The following SORCS2 variants were observed in gnomAD, a reference collection of about 807,000 sequenced individuals.
The protein encoded by SORCS2 is sortilin related VPS10 domain containing receptor 2.
A neutral mutation model predicts 141.6 loss-of-function variants in SORCS2; 100 were observed. The observed-to-expected ratio is 0.71, with a 90% confidence interval of 0.60 to 0.83. The LOEUF (loss-of-function observed/expected upper bound fraction) is 0.83. Among genes scored for constraint, SORCS2 ranks in the 40% least tolerant of loss-of-function variants. The pLI, the probability that SORCS2 is intolerant of heterozygous loss-of-function variation, is 0.00. For missense variants in SORCS2, 1,646 were observed against 1,560.2 expected (o/e 1.05, Z -0.93); for synonymous variants, 789 against 676.9 (o/e 1.17, Z -2.57).
In SORCS2 at chr4:7,384,929, T is replaced by C. The variant is rs542277059; in HGVS notation, c.481-11359T>C. ...CAGGTGGAGGTCCAGGCTCGCCGGC[T>C]CAGCTTCAGCAGAAGATTCTTAGAG... On this transcript the variant is annotated intron_variant, in intron 1 of 26. Coordinates refer to ENST00000507866, the MANE Select transcript of SORCS2 (RefSeq NM_020777.3). Among the ~76,000 whole-genome samples the C allele has an allele frequency of 9.2e-5, 14 of 152,334 alleles. No individual in the cohort carries two copies. The East Asian group carries it at 2.7e-3, about 29-fold the overall frequency.
At chr4:7,568,086 C>T (rs978288780) in intron 3 of SORCS2, among the ~76,000 whole-genome samples, 8 of 152,216 alleles carry the variant, frequency 5.3e-5, no homozygotes, top group African/African-American at 1.9e-4. Flanking sequence ...CTCCAAGGAG[C>T]TCTGACTGCT....
intron 2 of SORCS2, among the ~76,000 whole-genome samples, chr4:7,401,500 T>C (rs796815986): frequency 4.6e-5 from 7 of 152,290 alleles, no homozygotes; most frequent in African/African-American, 1.7e-4. Context: ...TTGGCTCTGA[T>C]TCTGTCAGGA....
intron 3 of SORCS2, among the ~76,000 whole-genome samples, chr4:7,544,018 A>T (rs868570431): frequency 7.1e-6 from 1 of 141,742 alleles, no homozygotes; most frequent in African/African-American, 2.7e-5. Flanking sequence ...CCATCCACCC[A>T]TCCATCCATC....
chr4:7,652,002 C>T (rs73794357), intron 4 of SORCS2, among the ~76,000 whole-genome samples: 5,090 of 152,296 alleles, frequency 0.033, 272 homozygotes, highest in African/African-American at 0.11. Context: ...GCTGTTTTCT[C>T]GGTTTCCAAG....
At position 7,514,932 on chromosome 4, in the gene SORCS2, A is replaced by G. The variant is rs544751703; in HGVS notation, c.549-16598A>G. On this transcript the variant is annotated intron_variant, in intron 2 of 26. Transcript: ENST00000507866. ...AGCAAAGCTACTCTTAACTGGCAGG[A>G]TGTGTCCAAGGGCTCAGAGGTCACC... Among the ~76,000 whole-genome samples, 4 of 152,130 alleles carry G rather than the reference A, an allele frequency of 2.6e-5. No individual in the cohort carries two copies. The East Asian group carries it at 7.7e-4, about 29-fold the overall frequency.
chr4:7,486,207 C>T (rs893587192), intron 2 of SORCS2, among the ~76,000 whole-genome samples: 6 of 47,332 alleles, frequency 1.3e-4, no homozygotes, highest in East Asian at 3.5e-4. Flanking sequence ...GAACAAGCCC[C>T]GTCCAGTGGA....
intron 1 of SORCS2, among the ~76,000 whole-genome samples, chr4:7,252,001 C>T (rs1284200550): frequency 6.6e-6 from 1 of 152,178 alleles, no homozygotes; most frequent in East Asian, 1.9e-4. Flanking sequence ...CTGGCTGAGC[C>T]TCCTCTAAAC....
At chr4:7,290,132 G>C (rs1355370313) in intron 1 of SORCS2, among the ~76,000 whole-genome samples, 3 of 152,218 alleles carry the variant, frequency 2.0e-5, no homozygotes, top group African/African-American at 7.2e-5. Flanking sequence ...GCAGGAAGCT[G>C]ATGGCTGGCC....
At chr4:7,693,071 G>A (rs1217290303) in intron 11 of SORCS2, among the ~76,000 whole-genome samples, 1 of 152,198 alleles carries the variant, frequency 6.6e-6, no homozygotes, top group Non-Finnish European at 1.5e-5. Context: ...CGAGGGTGCC[G>A]GTGGCGGGTT....
intron 22 of SORCS2, among the ~76,000 whole-genome samples, chr4:7,728,721 A>G (rs1727396832): frequency 1.3e-5 from 2 of 152,244 alleles, no homozygotes; most frequent in African/African-American, 4.8e-5. Flanking sequence ...CACACAGTCC[A>G]GGGACCACCT....
intron 1 of SORCS2, among the ~76,000 whole-genome samples, chr4:7,367,064 T>C (rs1408995282): frequency 6.6e-6 from 1 of 152,190 alleles, no homozygotes; most frequent in Non-Finnish European, 1.5e-5. Context: ...GATGTTAAAA[T>C]AGCCTCTGGG....
intron 1 of SORCS2, among the ~76,000 whole-genome samples, chr4:7,301,998 C>T (rs534846662): frequency 1.3e-5 from 2 of 152,348 alleles, no homozygotes; most frequent in Admixed American, 1.3e-4. Context: ...CTCTGTGTCC[C>T]ACCGGGACGC....
At chr4:7,215,650 C>T (rs147783108) in intron 1 of SORCS2, among the ~76,000 whole-genome samples, 48,084 of 151,850 alleles carry the variant, frequency 0.32, 8,269 homozygotes, top group Non-Finnish European at 0.39. Context: ...GTAAATACAC[C>T]AATCGGCACT....
intron 1 of SORCS2, among the ~76,000 whole-genome samples, chr4:7,281,597 T>C (rs1715884539): frequency 6.6e-6 from 1 of 152,204 alleles, no homozygotes; most frequent in Non-Finnish European, 1.5e-5. Context: ...GACTCACTCA[T>C]GTCATTGCCA....
At chr4:7,684,718 G>A (rs926048914) in intron 10 of SORCS2, among the ~76,000 whole-genome samples, 2 of 151,110 alleles carry the variant, frequency 1.3e-5, no homozygotes, top group Non-Finnish European at 1.5e-5. Context: ...CTGTTCTGCA[G>A]GCTCAGAACA....
At chr4:7,379,349 C>T (rs923166071) in intron 1 of SORCS2, among the ~76,000 whole-genome samples, 1 of 152,186 alleles carries the variant, frequency 6.6e-6, no homozygotes, top group African/African-American at 2.4e-5. Flanking sequence ...GGAGCAAACA[C>T]AGCCTGCGAG....
chr4:7,444,388 T>A (rs1485542505), intron 2 of SORCS2, among the ~76,000 whole-genome samples: 1 of 152,160 alleles, frequency 6.6e-6, no homozygotes, highest in Non-Finnish European at 1.5e-5. Context: ...CAGGAGCATG[T>A]GTGTTCAGGG....
chr4:7,205,254 T>G (rs1288987888), intron 1 of SORCS2, among the ~76,000 whole-genome samples: 1 of 152,138 alleles, frequency 6.6e-6, no homozygotes, highest in Non-Finnish European at 1.5e-5. Context: ...TTTCTGGCTT[T>G]GAGGACCCCA....
At chr4:7,480,423 C>G (rs149096155) in intron 2 of SORCS2, among the ~76,000 whole-genome samples, 72 of 151,268 alleles carry the variant, frequency 4.8e-4, no homozygotes, top group African/African-American at 1.7e-3. Flanking sequence ...CAGCAATTCA[C>G]AAAAATACAG....
Sources: allele counts gnomAD v4.1 joint callset (sites outside exome capture counted in the v4.1 genomes callset), GRCh38; gene constraint gnomAD v4.1.1; transcripts MANE v1.5; gene names NCBI Gene and HGNC (gene_info 2026-07-23, HGNC 2026-07-21).